IRGM: variants seen among roughly 807,000 people sequenced by gnomAD.
IRGM encodes the protein immunity related GTPase M, also known as immunity-related GTPase family M protein.
For missense variants in IRGM, 288 were observed against 219.9 expected (o/e 1.31, Z -1.96); for synonymous variants, 98 against 80.6 (o/e 1.22, Z -1.16).
chr5:150,861,422 A>G (rs915962666), intron 1 of IRGM, among the ~76,000 whole-genome samples: 3 of 152,236 alleles, frequency 2.0e-5, no homozygotes, highest in Non-Finnish European at 4.4e-5. Context: ...ATTACTTCAC[A>G]GCATTCTACA....
intron 1 of IRGM, among the ~76,000 whole-genome samples, chr5:150,858,008 T>A (rs546099777): frequency 1.2e-3 from 180 of 152,360 alleles, no homozygotes; most frequent in African/African-American, 4.1e-3. Flanking sequence ...CCCATGCCTA[T>A]GTCCTGAATG....
chr5:150,892,324 G>A (rs1197206770), intron 3 of IRGM, among the ~76,000 whole-genome samples: 1 of 151,940 alleles, frequency 6.6e-6, no homozygotes, highest in East Asian at 1.9e-4. Context: ...GTTAATTACA[G>A]AAGGGAAAGG....
chr5:150,880,736 T>G (rs1754432532), intron 3 of IRGM, among the ~76,000 whole-genome samples: 1 of 152,216 alleles, frequency 6.6e-6, no homozygotes, highest in Non-Finnish European at 1.5e-5. Flanking sequence ...GTTTCATATT[T>G]TCATAAAGAG....
chr5:150,852,716 C>T (rs1753993914), downstream of IRGM, among the ~76,000 whole-genome samples: 1 of 152,064 alleles, frequency 6.6e-6, no homozygotes, highest in Non-Finnish European at 1.5e-5. Context: ...ATTGAGGCTT[C>T]AGTTCTGGAA....
chr5:150,873,766 A>G (rs961463874), intron 1 of IRGM, among the ~76,000 whole-genome samples: 10 of 152,186 alleles, frequency 6.6e-5, no homozygotes, highest in Non-Finnish European at 1.3e-4. Context: ...TGGTAGGGTG[A>G]GGGCTATTAT....
At chr5:150,881,440 G>A (rs972709742) in intron 3 of IRGM, among the ~76,000 whole-genome samples, 1 of 152,040 alleles carries the variant, frequency 6.6e-6, no homozygotes. Flanking sequence ...AGCTGAGGGA[G>A]TTTATCATCA....
rs33993564 is a variant in IRGM at position 150,846,690 on chromosome 5, CG to C, written c.-942del. Reference sequence around the variant, plus strand: ...GAAACCTGTGAAACAACGAACCCCCCGGGGAGAAACGAACAACTCCAGACTC... The same window carrying C: ...GAAACCTGTGAAACAACGAACCCCCCGGGAGAAACGAACAACTCCAGACTC... On this transcript the variant is annotated 5_prime_UTR_variant, in exon 1 of 2. Coordinates refer to ENST00000522154, the MANE Select transcript of IRGM (RefSeq NM_001145805.2). 31,263 of 152,114 alleles carry C rather than the reference CG, an allele frequency of 0.21. 5,179 individuals are homozygous for C. Among genetic ancestry groups the C allele is most frequent in the African/African-American group, 0.44 (18,188 of 41,274 alleles). 9.4% of individuals were successfully genotyped at this position (152,114 alleles called of 1,614,324 possible).
At chr5:150,884,498 T>C (rs531528705) in intron 3 of IRGM, among the ~76,000 whole-genome samples, 15 of 152,186 alleles carry the variant, frequency 9.9e-5, no homozygotes, top group Non-Finnish European at 2.2e-4. Context: ...ATCACCATAC[T>C]GCTTTCCACA....
At chr5:150,862,028 G>A (rs1035773152) in intron 1 of IRGM, among the ~76,000 whole-genome samples, 1 of 152,198 alleles carries the variant, frequency 6.6e-6, no homozygotes, top group South Asian at 2.1e-4. Context: ...TCTCTCATGG[G>A]CTATGATGAA....
chr5:150,882,935 A>G (rs888385175), intron 3 of IRGM, among the ~76,000 whole-genome samples: 2 of 152,174 alleles, frequency 1.3e-5, no homozygotes, highest in Admixed American at 6.5e-5. Flanking sequence ...TCAAGTGCAC[A>G]TAGAATATTC....
intron 1 of IRGM, among the ~76,000 whole-genome samples, chr5:150,864,834 G>T (rs923261680): frequency 2.6e-5 from 4 of 152,230 alleles, no homozygotes; most frequent in Admixed American, 2.6e-4. Flanking sequence ...CTGTGCAATG[G>T]CCATAAAGAC....
chr5:150,870,744 A>G (rs1754271268), intron 1 of IRGM, among the ~76,000 whole-genome samples: 1 of 152,170 alleles, frequency 6.6e-6, no homozygotes, highest in Non-Finnish European at 1.5e-5. Flanking sequence ...GTTAAAATTA[A>G]CAGCCATCTG....
chr5:150,875,399 A>G (rs1754349311), intron 1 of IRGM, among the ~76,000 whole-genome samples: 1 of 152,200 alleles, frequency 6.6e-6, no homozygotes, highest in South Asian at 2.1e-4. Context: ...TACTGTAGCC[A>G]ATGGTTTGGC....
chr5:150,854,217 T>A (rs936575008), intron 1 of IRGM, among the ~76,000 whole-genome samples: 3 of 152,120 alleles, frequency 2.0e-5, no homozygotes, highest in Non-Finnish European at 4.4e-5. Flanking sequence ...TTTCCCTTCC[T>A]GCTTTGTTAT....
intron 3 of IRGM, chr5:150,896,049 A>C (rs1332482403): frequency 4.3e-6 from 7 of 1,613,418 alleles, no homozygotes; most frequent in Non-Finnish European, 5.9e-6. Flanking sequence ...GTGGTGTATA[A>C]TCAGCTGTGA....
intron 3 of IRGM, among the ~76,000 whole-genome samples, chr5:150,882,782 C>T (rs957582083): frequency 6.6e-6 from 1 of 152,106 alleles, no homozygotes; most frequent in South Asian, 2.1e-4. Context: ...AAGGACTTCT[C>T]TACCGCAGCT....
At chr5:150,860,915 G>A (rs1490510337) in intron 1 of IRGM, among the ~76,000 whole-genome samples, 1 of 152,076 alleles carries the variant, frequency 6.6e-6, no homozygotes, top group Non-Finnish European at 1.5e-5. Context: ...TTACATGATG[G>A]TATTGTATAG....
At chr5:150,851,146 G>A (rs1753968929), downstream of IRGM, among the ~76,000 whole-genome samples, 1 of 152,268 alleles carries the variant, frequency 6.6e-6, no homozygotes, top group East Asian at 1.9e-4. Context: ...ATAAAGGGAA[G>A]CCTGTGCTTT....
chr5:150,871,090 A>C (rs1754276972), intron 1 of IRGM, among the ~76,000 whole-genome samples: 1 of 152,214 alleles, frequency 6.6e-6, no homozygotes, highest in African/African-American at 2.4e-5. Flanking sequence ...CATACAAGGC[A>C]ACCCTTTTGC....
Sources: gnomAD v4.1 joint callset for allele counts (sites outside exome capture counted in the v4.1 genomes callset) on GRCh38, gnomAD v4.1.1 for gene constraint, MANE v1.5 for transcripts, NCBI Gene and HGNC (gene_info 2026-07-23, HGNC 2026-07-21) for gene names.